Variants in ADARB2 observed in about 807,000 individuals in gnomAD.
ADARB2 encodes adenosine deaminase RNA specific B2 (inactive).
In ADARB2, 25 loss-of-function variants were observed where a neutral mutation model predicts 62.2. The ratio of observed to expected loss-of-function variants is 0.40; its 90% CI spans 0.29 to 0.56. ADARB2 has a LOEUF of 0.56. ADARB2 is among the 20% of genes least tolerant of loss of function. The probability of loss-of-function intolerance (pLI) is 0.43; values close to 1 mark genes in which losing one functional copy is unlikely to be tolerated. For missense variants in ADARB2, 1,071 were observed against 1,077.4 expected (o/e 0.99, Z 0.08); for synonymous variants, 572 against 500.8 (o/e 1.14, Z -1.90).
At chr10:1,286,043 C>A (rs1027437932) in intron 3 of ADARB2, among the ~76,000 whole-genome samples, 1 of 150,328 alleles carries the variant, frequency 6.7e-6, no homozygotes, top group Non-Finnish European at 1.5e-5. Context: ...GCTCCTTTCC[C>A]CTTTGAACTT....
chr10:1,457,122 T>C (rs986409499), intron 1 of ADARB2, among the ~76,000 whole-genome samples: 1 of 152,274 alleles, frequency 6.6e-6, no homozygotes, highest in South Asian at 2.1e-4. Context: ...CAGGTTTTCA[T>C]CCTAAATGAT....
intron 1 of ADARB2, among the ~76,000 whole-genome samples, chr10:1,515,910 A>G (rs1832002862): frequency 6.6e-6 from 1 of 152,082 alleles, no homozygotes; most frequent in Non-Finnish European, 1.5e-5. Context: ...TGCCACTATC[A>G]CCTCTCCAAA....
chr10:1,678,721 T>C (rs191053391), intron 1 of ADARB2, among the ~76,000 whole-genome samples: 1 of 152,186 alleles, frequency 6.6e-6, no homozygotes, highest in East Asian at 1.9e-4. Context: ...AACTCCACTG[T>C]GGAGTTTGCC....
intron 1 of ADARB2, among the ~76,000 whole-genome samples, chr10:1,551,435 C>G (rs950379064): frequency 6.6e-6 from 1 of 152,184 alleles, no homozygotes; most frequent in South Asian, 2.1e-4. Context: ...TTCACCCAGA[C>G]AGTTTCTCAA....
intron 6 of ADARB2, among the ~76,000 whole-genome samples, chr10:1,218,846 C>A (rs1227825048): frequency 6.6e-6 from 1 of 151,544 alleles, no homozygotes; most frequent in African/African-American, 2.4e-5. Context: ...AGATTGAGAT[C>A]ATCTTGGCTA....
chr10:1,510,990 C>G (rs964073892), intron 1 of ADARB2, among the ~76,000 whole-genome samples: 1 of 152,148 alleles, frequency 6.6e-6, no homozygotes, highest in Non-Finnish European at 1.5e-5. Flanking sequence ...GTAGCTGGGA[C>G]TATAGGTGCA....
chr10:1,214,123 C>T (rs577542555), intron 7 of ADARB2, among the ~76,000 whole-genome samples: 10 of 107,574 alleles, frequency 9.3e-5, no homozygotes, highest in Non-Finnish European at 3.9e-5. Flanking sequence ...CTGTGTCCAG[C>T]GTCATGTAGG....
intron 8 of ADARB2, among the ~76,000 whole-genome samples, chr10:1,196,440 C>T (rs993877120): frequency 1.3e-5 from 2 of 151,806 alleles, no homozygotes; most frequent in African/African-American, 4.8e-5. Context: ...AATGTATTGA[C>T]AATGGAAGTA....
chr10:1,346,914 C>T (rs75842243), intron 3 of ADARB2, among the ~76,000 whole-genome samples: 3,524 of 152,360 alleles, frequency 0.023, 60 homozygotes, highest in South Asian at 0.033. Flanking sequence ...TCAATGGGGA[C>T]GTGTGCCTGT....
intron 1 of ADARB2, among the ~76,000 whole-genome samples, chr10:1,661,197 A>G (rs901968902): frequency 3.4e-4 from 51 of 152,138 alleles, no homozygotes; most frequent in African/African-American, 1.2e-3. Flanking sequence ...CTGTGAAGCC[A>G]CTTTTCATGT....
At chr10:1,317,160 G>A (rs953814177) in intron 3 of ADARB2, among the ~76,000 whole-genome samples, 8 of 152,276 alleles carry the variant, frequency 5.3e-5, no homozygotes, top group East Asian at 1.9e-4. Flanking sequence ...ACTTTTAGCC[G>A]ATTTTTATGT....
intron 1 of ADARB2, among the ~76,000 whole-genome samples, chr10:1,645,238 A>T (rs955396822): frequency 1.3e-5 from 2 of 152,228 alleles, no homozygotes; most frequent in South Asian, 4.1e-4. Context: ...TCATTGTTGC[A>T]TTGCTTACGC....
At chr10:1,231,899 T>C (rs1830807421) in intron 6 of ADARB2, among the ~76,000 whole-genome samples, 1 of 152,154 alleles carries the variant, frequency 6.6e-6, no homozygotes, top group South Asian at 2.1e-4. Flanking sequence ...CGTGTGAGAT[T>C]AAAGACACCA....
chr10:1,220,942 G>A (rs2087201853), intron 6 of ADARB2, among the ~76,000 whole-genome samples: 1 of 152,194 alleles, frequency 6.6e-6, no homozygotes. Flanking sequence ...TTGCTCCTGA[G>A]TGTTTATTTT....
At chr10:1,433,063 C>A (rs1404896333) in intron 1 of ADARB2, among the ~76,000 whole-genome samples, 1 of 152,122 alleles carries the variant, frequency 6.6e-6, no homozygotes, top group African/African-American at 2.4e-5. Flanking sequence ...AAATCCTGGT[C>A]TGGAAAGAAT....
chr10:1,270,134 T>C (rs1025063046), intron 4 of ADARB2, among the ~76,000 whole-genome samples: 27 of 152,112 alleles, frequency 1.8e-4, no homozygotes, highest in African/African-American at 6.0e-4. Flanking sequence ...CCCAGCAAGA[T>C]TGGAGAGGAC....
chr10:1,671,113 C>T (rs1251782913), intron 1 of ADARB2, among the ~76,000 whole-genome samples: 1 of 152,186 alleles, frequency 6.6e-6, no homozygotes, highest in East Asian at 1.9e-4. Flanking sequence ...ATACAATCTT[C>T]CAGCTTGCTG....
chr10:1,438,740 C>A (rs551199671), intron 1 of ADARB2, among the ~76,000 whole-genome samples: 6 of 150,092 alleles, frequency 4.0e-5, no homozygotes, highest in Admixed American at 2.7e-4. Flanking sequence ...CAGATGGAGG[C>A]AGGTTCTTCA....
chr10:1,269,800 G>T (rs1355772933), intron 4 of ADARB2, among the ~76,000 whole-genome samples: 1 of 152,220 alleles, frequency 6.6e-6, no homozygotes, highest in Non-Finnish European at 1.5e-5. Flanking sequence ...CATGCTGGAG[G>T]ATGAAGGAAT....
Sources: gnomAD v4.1 joint callset for allele counts (sites outside exome capture counted in the v4.1 genomes callset) on GRCh38, gnomAD v4.1.1 for gene constraint, MANE v1.5 for transcripts, NCBI Gene and HGNC (gene_info 2026-07-23, HGNC 2026-07-21) for gene names.